Variants in SAP130 observed in about 807,000 individuals in gnomAD.
The protein encoded by SAP130 is Sin3A associated protein 130, also known as histone deacetylase complex subunit SAP130.
In SAP130, 16 loss-of-function variants were observed where a neutral mutation model predicts 103.2. That is an observed-to-expected ratio of 0.16 (90% CI 0.10 to 0.24). The LOEUF is 0.24. Ranked by LOEUF, SAP130 falls within the 10% of genes least tolerant of loss-of-function variation. The probability of loss-of-function intolerance (pLI) is 1.00; values close to 1 mark genes in which losing one functional copy is unlikely to be tolerated. For synonymous variants in SAP130, 477 were observed against 497.0 expected (o/e 0.96, Z 0.53); for missense variants, 990 against 1,359.7 (o/e 0.73, Z 4.28).
intron 12 of SAP130, among the ~76,000 whole-genome samples, chr2:127,991,479 A>G (rs2105025058): frequency 6.6e-6 from 1 of 152,114 alleles, no homozygotes; most frequent in South Asian, 2.1e-4. Context: ...AGCTGGGACT[A>G]CAGCACGCAC....
chr2:127,964,292 G>T (rs1363528610), intron 15 of SAP130, among the ~76,000 whole-genome samples: 1 of 151,916 alleles, frequency 6.6e-6, no homozygotes, highest in Non-Finnish European at 1.5e-5. Context: ...TCAGGAGTTC[G>T]AGACCAGCCT....
intron 10 of SAP130, among the ~76,000 whole-genome samples, 180 bp downstream of exon 10, chr2:127,999,561 G>A (rs567678278): frequency 1.1e-4 from 16 of 151,150 alleles, no homozygotes; most frequent in Admixed American, 2.6e-4. Context: ...TCGAGATCAC[G>A]TCACTGCACT....
At chr2:127,995,912 C>T (rs4662763) in intron 11 of SAP130, among the ~76,000 whole-genome samples, 113,802 of 152,044 alleles carry the variant, frequency 0.75, 42,817 homozygotes, top group East Asian at 0.83. Context: ...CGTGACAGTA[C>T]CAAATTCCCT....
intron 15 of SAP130, among the ~76,000 whole-genome samples, chr2:127,968,320 AG>A (rs1487167166): frequency 6.6e-6 from 1 of 151,586 alleles, no homozygotes; most frequent in African/African-American, 2.4e-5. Flanking sequence ...CACGTTGGCC[AG>A]GCTGGTCTTG....
Position 127,996,228 on chromosome 2 carries a change from G to A in SAP130, c.1355+122C>T. ...AATTATACGAAGTGTTACTTTCAGGGGAAAATCTGAAAACATGAGTAATAA... is the reference window on the plus strand; with the variant it reads ...AATTATACGAAGTGTTACTTTCAGGAGAAAATCTGAAAACATGAGTAATAA... On this transcript the variant is annotated intron_variant, in intron 11 of 20. Coordinates refer to ENST00000643581, the MANE Select transcript of SAP130 (RefSeq NM_001330301.2). The surrounding 1 kb of genome is among the most constrained non-coding windows in gnomAD (Gnocchi z 4.3). 1.0e-6 allele frequency: 1 copy of A among 964,304 alleles called. No homozygotes were observed. The allele number at this position is 964,304 out of a possible 1,614,324, so 59.7% of individuals were successfully genotyped here.
At chr2:128,016,242 T>A in intron 4 of SAP130, 147 bp downstream of exon 4, 1 of 803,164 alleles carries the variant, frequency 1.2e-6, no homozygotes, top group Non-Finnish European at 1.9e-6. Context: ...TCCTTCTCTC[T>A]CAAACCTACT....
Position 128,027,605 on chromosome 2 carries a change from C to G in SAP130, c.-7+335G>C, listed in dbSNP as rs373311371. On this transcript the variant is annotated intron_variant, in intron 1 of 20. Transcript: ENST00000643581. Reference sequence around the variant, plus strand: ...GAGTCACTTTAAACTGCTCCAGGAGCCAAACTCCCTGGGCCGGCCGCCCGC... The same window carrying G: ...GAGTCACTTTAAACTGCTCCAGGAGGCAAACTCCCTGGGCCGGCCGCCCGC... 2.9e-4 allele frequency among the ~76,000 whole-genome samples: 44 copies of G among 151,244 alleles called. No individual in the cohort carries two copies. In the East Asian group the frequency reaches 8.4e-3, roughly 29 times the overall value.
At chr2:128,008,524 T>A (rs1040445520) in intron 7 of SAP130, among the ~76,000 whole-genome samples, 1 of 142,034 alleles carries the variant, frequency 7.0e-6, no homozygotes, top group African/African-American at 2.8e-5. Context: ...GCCACCACGC[T>A]TACCTTTTTT....
rs776283986 is a variant in SAP130, at chr2:128,014,756, TCTA to T, written c.619+44_619+46del. The stretch of plus-strand genomic sequence containing the variant: ...TGTTACGTATTTTACCAAATGTATA[TCTA>T]CTACTACATTTTGAGAGTTTGAACA... On this transcript the variant is annotated intron_variant, in intron 5 of 20. Coordinates refer to ENST00000643581, the MANE Select transcript of SAP130 (RefSeq NM_001330301.2). 21 of 1,293,186 alleles carry T rather than the reference TCTA, an allele frequency of 1.6e-5. No individual in the cohort carries two copies. In the South Asian group the frequency reaches 2.3e-4, roughly 14 times the overall value. 80.1% of individuals were successfully genotyped at this position (1,293,186 alleles called of 1,614,324 possible). A position where few individuals can be genotyped will look rare whatever the true frequency, so the allele number is the denominator to read the frequency against.
intron 19 of SAP130, among the ~76,000 whole-genome samples, chr2:127,944,725 CT>C (rs1434162508): frequency 6.6e-6 from 1 of 151,976 alleles, no homozygotes; most frequent in African/African-American, 2.4e-5. Context: ...CGTGCCTGGC[CT>C]CTACAAAAAA....
chr2:127,943,552 C>G (rs1484579491), intron 19 of SAP130, among the ~76,000 whole-genome samples: 1 of 152,222 alleles, frequency 6.6e-6, no homozygotes, highest in Non-Finnish European at 1.5e-5. Flanking sequence ...AGGCTACAAA[C>G]ATGTACACCA....
At chr2:128,007,643 T>C (rs1398841442) in intron 7 of SAP130, among the ~76,000 whole-genome samples, 1 of 152,230 alleles carries the variant, frequency 6.6e-6, no homozygotes, top group Non-Finnish European at 1.5e-5. Context: ...ATCCCTTTTA[T>C]TGAAGAGAGA....
chr2:127,996,514 C>T lies in SAP130; in HGVS notation c.1214-23G>A, dbSNP rs766923293. On this transcript the variant is annotated intron_variant, in intron 10 of 20. Coordinates refer to ENST00000643581, the MANE Select transcript of SAP130 (RefSeq NM_001330301.2). This position sits in a 1 kb window ranked among gnomAD's most constrained non-coding sequence, Gnocchi z 4.3. ...TGGCTGCAAACAGTAAATGCCAATT[C>T]CATGACCATTCTACACTTTTTTTTG... is the stretch of plus-strand genomic sequence containing the variant. 4 of 1,496,956 alleles carry T rather than the reference C, an allele frequency of 2.7e-6. No individual in the cohort carries two copies. The African/African-American group carries it at 5.7e-5, about 21-fold the overall frequency. The allele number at this position is 1,496,956 out of a possible 1,614,324, so 92.7% of individuals were successfully genotyped here. A position where few individuals can be genotyped will look rare whatever the true frequency, so the allele number is the denominator to read the frequency against.
At chr2:127,987,624 T>C (rs542067659) in intron 13 of SAP130, among the ~76,000 whole-genome samples, 1 of 152,268 alleles carries the variant, frequency 6.6e-6, no homozygotes, top group African/African-American at 2.4e-5. Context: ...CTTACCATCA[T>C]TGTAATTTCC....
chr2:128,012,724 C>T (rs1245657889), intron 6 of SAP130, among the ~76,000 whole-genome samples: 5 of 151,834 alleles, frequency 3.3e-5, no homozygotes, highest in African/African-American at 1.2e-4. Flanking sequence ...TAAAATCCCT[C>T]AATCCTAGCT....
intron 6 of SAP130, among the ~76,000 whole-genome samples, chr2:128,010,631 G>A (rs1684325074): frequency 6.6e-6 from 1 of 152,088 alleles, no homozygotes; most frequent in Non-Finnish European, 1.5e-5. Flanking sequence ...AGGCTGAGGT[G>A]GGCAGATCAA....
chr2:127,981,518 CCT>C lies in SAP130; in HGVS notation c.1959-3431_1959-3430del, dbSNP rs139227942. Among the ~76,000 whole-genome samples, 455 of 99,706 alleles carry C rather than the reference CCT, an allele frequency of 4.6e-3. 45 individuals carry two copies. The highest frequency in any genetic ancestry group is 0.018 in the African/African-American group (320 of 18,084). 65.4% of individuals were successfully genotyped at this position (99,706 alleles called of 152,430 possible). On this transcript the variant is annotated intron_variant, in intron 14 of 20. Coordinates refer to ENST00000643581, the MANE Select transcript of SAP130 (RefSeq NM_001330301.2). Reference sequence around the variant, plus strand: ...CACCCCGACCCAGTCCTCTTGCACCCCTGACTCAGTTCCCCCACCCCGACTCA... The same window carrying C: ...CACCCCGACCCAGTCCTCTTGCACCCGACTCAGTTCCCCCACCCCGACTCA...
intron 7 of SAP130, among the ~76,000 whole-genome samples, chr2:128,006,445 T>C (rs1683979784): frequency 6.6e-6 from 1 of 152,218 alleles, no homozygotes; most frequent in Admixed American, 6.5e-5. Context: ...TCATTATCAC[T>C]GATTTATCTG....
rs148661658 is a variant in SAP130, at chr2:128,016,358, T to C, written c.507+31A>G. 4.9e-4 allele frequency: 786 copies of C among 1,599,998 alleles called. 6 individuals carry two copies. The South Asian group carries it at 6.4e-3, about 13-fold the overall frequency. On this transcript the variant is annotated intron_variant, in intron 4 of 20. Coordinates refer to ENST00000643581, the MANE Select transcript of SAP130 (RefSeq NM_001330301.2). ...TGATCAACAGTTTGGCATTTCAGTT[T>C]GAAAATCAGCAAATTAAAAGGAAGA...
Sources: gnomAD v4.1 joint callset for allele counts (sites outside exome capture counted in the v4.1 genomes callset) on GRCh38, gnomAD v4.1.1 for gene constraint, Gnocchi (gnomAD v3.1) non-coding constraint, MANE v1.5 for transcripts, NCBI Gene and HGNC (gene_info 2026-07-23, HGNC 2026-07-21) for gene names.